The following ARL15 variants were observed in gnomAD, a reference collection of about 807,000 sequenced individuals.
The protein encoded by ARL15 is ARF like GTPase 15.
In ARL15, 19 loss-of-function variants were observed where a neutral mutation model predicts 25.2. The observed-to-expected ratio is 0.75, with a 90% CI of 0.53 to 1.10. The LOEUF (loss-of-function observed/expected upper bound fraction) is 1.10. ARL15 is among the 50% of genes least tolerant of loss of function. The probability of loss-of-function intolerance (pLI) is 0.00; values close to 1 mark genes in which losing one functional copy is unlikely to be tolerated. For missense variants in ARL15, 220 were observed against 246.0 expected (o/e 0.89, Z 0.71); for synonymous variants, 94 against 86.8 (o/e 1.08, Z -0.46).
At chr5:54,185,344 C>G (rs935365493) in intron 1 of ARL15, among the ~76,000 whole-genome samples, 10 of 152,162 alleles carry the variant, frequency 6.6e-5, no homozygotes, top group African/African-American at 2.4e-4. Context: ...TCTTTCAAGA[C>G]AACTTCTGTG....
intron 4 of ARL15, among the ~76,000 whole-genome samples, chr5:53,954,511 C>T (rs914231558): frequency 2.0e-5 from 3 of 152,178 alleles, no homozygotes; most frequent in Non-Finnish European, 2.9e-5. Flanking sequence ...CATGTCCCTG[C>T]GTTTCCCACT....
chr5:54,275,181 G>A (rs1185633187), intron 1 of ARL15, among the ~76,000 whole-genome samples: 3 of 152,126 alleles, frequency 2.0e-5, no homozygotes, highest in African/African-American at 4.8e-5. Context: ...CAATGGCTAC[G>A]GGCAACACTG....
chr5:54,114,078 A>G (rs1561228999), intron 3 of ARL15, among the ~76,000 whole-genome samples: 1 of 151,858 alleles, frequency 6.6e-6, no homozygotes, highest in African/African-American at 2.4e-5. Context: ...GATGTTTATT[A>G]AAACAAACAA....
intron 4 of ARL15, among the ~76,000 whole-genome samples, chr5:53,973,150 G>A (rs921551213): frequency 6.6e-6 from 1 of 152,082 alleles, no homozygotes; most frequent in Non-Finnish European, 1.5e-5. Flanking sequence ...ATGAGAAATC[G>A]AAGCATAAAG....
intron 4 of ARL15, among the ~76,000 whole-genome samples, chr5:54,058,063 C>G (rs1233786650): frequency 6.6e-6 from 1 of 150,778 alleles, no homozygotes; most frequent in African/African-American, 2.4e-5. Context: ...TGGAATGCAA[C>G]AGCGCGATCT....
At chr5:54,136,962 G>A (rs1365456069) in intron 3 of ARL15, among the ~76,000 whole-genome samples, 2 of 151,152 alleles carry the variant, frequency 1.3e-5, no homozygotes, top group Non-Finnish European at 2.9e-5. Flanking sequence ...CCTGCCAGTT[G>A]CACAGCTCCA....
intron 1 of ARL15, among the ~76,000 whole-genome samples, chr5:54,274,011 G>C (rs912375742): frequency 3.3e-5 from 5 of 152,198 alleles, no homozygotes; most frequent in Admixed American, 6.5e-5. Flanking sequence ...AAGGAATGCT[G>C]GCATTGGAAT....
At chr5:54,149,636 A>G (rs528289533) in intron 3 of ARL15, among the ~76,000 whole-genome samples, 215 of 152,278 alleles carry the variant, frequency 1.4e-3, no homozygotes, top group African/African-American at 5.0e-3. Flanking sequence ...CTCACTTTAC[A>G]GATAAGGGAA....
chr5:54,125,509 C>T (rs1471264573), intron 3 of ARL15, among the ~76,000 whole-genome samples: 2 of 152,126 alleles, frequency 1.3e-5, no homozygotes, highest in Non-Finnish European at 2.9e-5. Flanking sequence ...AGAAAGAGAT[C>T]CTTTTATGGA....
intron 1 of ARL15, among the ~76,000 whole-genome samples, chr5:54,180,551 C>G (rs1404719901): frequency 1.3e-5 from 2 of 152,102 alleles, no homozygotes; most frequent in South Asian, 2.1e-4. Flanking sequence ...CCTTTAAGAC[C>G]CTAGTGGGAA....
chr5:54,019,895 A>C (rs939829020), intron 4 of ARL15, among the ~76,000 whole-genome samples: 1 of 152,240 alleles, frequency 6.6e-6, no homozygotes, highest in East Asian at 1.9e-4. Flanking sequence ...CAAAAGCATT[A>C]AACTCTTTCA....
chr5:54,012,543 A>G (rs1384376829), intron 4 of ARL15, among the ~76,000 whole-genome samples: 1 of 146,304 alleles, frequency 6.8e-6, no homozygotes, highest in Non-Finnish European at 1.5e-5. Flanking sequence ...TTTTTTTTTG[A>G]GACGAGGTTT....
chr5:54,045,178 T>C (rs1750467331), intron 4 of ARL15, among the ~76,000 whole-genome samples: 1 of 152,070 alleles, frequency 6.6e-6, no homozygotes, highest in African/African-American at 2.4e-5. Context: ...ATAAAGTAGT[T>C]CCCTGGTCAG....
chr5:54,129,762 C>T (rs1753376997), intron 3 of ARL15, among the ~76,000 whole-genome samples: 1 of 152,200 alleles, frequency 6.6e-6, no homozygotes, highest in Non-Finnish European at 1.5e-5. Context: ...AGCCTCACCT[C>T]ACTTCCTCCT....
At chr5:54,239,273 G>A (rs13183386) in intron 1 of ARL15, among the ~76,000 whole-genome samples, 12,519 of 151,128 alleles carry the variant, frequency 0.083, 754 homozygotes, top group African/African-American at 0.16. Context: ...TATTATCCTA[G>A]GCATTGGATT....
intron 4 of ARL15, among the ~76,000 whole-genome samples, chr5:54,055,863 A>G (rs1402760252): frequency 1.3e-5 from 2 of 152,130 alleles, no homozygotes; most frequent in Non-Finnish European, 2.9e-5. Context: ...TATAATTATC[A>G]TGTGTATTTC....
intron 1 of ARL15, among the ~76,000 whole-genome samples, chr5:54,195,945 A>G (rs1755536695): frequency 1.3e-5 from 2 of 152,114 alleles, no homozygotes; most frequent in Non-Finnish European, 2.9e-5. Context: ...CTCCCCTTCC[A>G]AATAGCAGAA....
intron 1 of ARL15, among the ~76,000 whole-genome samples, chr5:54,269,949 G>A (rs1324473354): frequency 1.3e-5 from 2 of 152,094 alleles, no homozygotes; most frequent in Non-Finnish European, 2.9e-5. Flanking sequence ...CCGGCCTGAG[G>A]ATTATTATTT....
chr5:53,929,906 C>G (rs930790022), intron 4 of ARL15, among the ~76,000 whole-genome samples: 2 of 152,048 alleles, frequency 1.3e-5, no homozygotes, highest in African/African-American at 4.8e-5. Flanking sequence ...TGTGGGCACA[C>G]TTGCTGCTAA....
Sources: gnomAD v4.1 joint callset for allele counts (sites outside exome capture counted in the v4.1 genomes callset) on GRCh38, gnomAD v4.1.1 for gene constraint, MANE v1.5 for transcripts, NCBI Gene and HGNC (gene_info 2026-07-23, HGNC 2026-07-21) for gene names.